PPP1CB: variants seen among roughly 807,000 people sequenced by gnomAD.
PPP1CB encodes the protein serine/threonine-protein phosphatase PP1-beta catalytic subunit.
PPP1CB carries 2 observed loss-of-function variants against 43.7 expected under a neutral mutation model. The ratio of observed to expected loss-of-function variants is 0.05; its 90% CI spans 0.02 to 0.14. The LOEUF is 0.14. Among genes scored for constraint, PPP1CB ranks in the 10% least tolerant of loss-of-function variants. The probability of loss-of-function intolerance (pLI) is 1.00; values close to 1 mark genes in which losing one functional copy is unlikely to be tolerated. For missense variants in PPP1CB, 84 were observed against 398.0 expected, an observed-to-expected ratio of 0.21 and a Z score of 6.71; for synonymous variants, 136 against 135.6, an observed-to-expected ratio of 1.00 and a Z score of -0.02.
chr2:28,751,789 T>G, upstream of PPP1CB: 1 of 393,766 alleles, frequency 2.5e-6, no homozygotes, highest in Non-Finnish European at 4.7e-6. Context: ...GCGGAGTGAG[T>G]GGCGCTGCGG....
intron 3 of PPP1CB, among the ~76,000 whole-genome samples, chr2:28,781,122 A>G (rs1667150868): frequency 6.6e-6 from 1 of 152,174 alleles, no homozygotes; most frequent in South Asian, 2.1e-4. Context: ...TTGCTATATT[A>G]TACTGATCTT....
In PPP1CB at chr2:28,771,967, A is replaced by T. The variant is rs564321851; in HGVS notation, c.53-4884A>T. 2.4e-5 allele frequency among the ~76,000 whole-genome samples: 3 copies of T among 122,918 alleles called. No individual in the cohort carries two copies. The South Asian group carries it at 8.0e-4, about 33-fold the overall frequency. The allele number at this position is 122,918 out of a possible 152,430, so 80.6% of individuals were successfully genotyped here. A position where few individuals can be genotyped will look rare whatever the true frequency, so the allele number is the denominator to read the frequency against. On this transcript the variant is annotated intron_variant, in intron 1 of 7. Transcript: ENST00000395366. ...AAGAATGAACAAAAGACTTAAAACG[A>T]ACTTGTCCAAAAAAAAAAAAAAAGA...
At position 28,766,184 on chromosome 2, in the gene PPP1CB, G is replaced by A. The variant is rs538872213; in HGVS notation, c.53-10667G>A. On this transcript the variant is annotated intron_variant, in intron 1 of 7. Coordinates refer to ENST00000395366, the MANE Select transcript of PPP1CB (RefSeq NM_002709.3). ...GATTGAGGGTGGTGGTTCTTGTTTAGAAAAAATTCAGTATCAGCCCTGAAT... is the reference window on the plus strand; with the variant it reads ...GATTGAGGGTGGTGGTTCTTGTTTAAAAAAAATTCAGTATCAGCCCTGAAT... 3.2e-4 allele frequency among the ~76,000 whole-genome samples: 49 copies of A among 152,244 alleles called. 1 individual carries two copies. In the South Asian group the frequency reaches 9.5e-3, roughly 30 times the overall value.
Position 28,759,866 on chromosome 2 carries a change from G to T in PPP1CB, c.52+7690G>T, listed in dbSNP as rs1338990662. 2.6e-5 allele frequency among the ~76,000 whole-genome samples: 4 copies of T among 152,258 alleles called. No individual in the cohort carries two copies. The South Asian group carries it at 6.2e-4, about 24-fold the overall frequency. On this transcript the variant is annotated intron_variant, in intron 1 of 7. Transcript: ENST00000395366. ...TCTCCCGACCTCAGGTGATCCGCCT[G>T]CCTCGGCCTCCCAAAGTGTTGGGAT... is the stretch of plus-strand genomic sequence containing the variant.
In PPP1CB at chr2:28,786,405, T is replaced by A. The variant is rs1263642026; in HGVS notation, c.593-2253T>A. Among the ~76,000 whole-genome samples the A allele has an allele frequency of 3.3e-5, 5 of 152,156 alleles. No homozygotes were observed. In the South Asian group the frequency reaches 1.0e-3, roughly 32 times the overall value. ...CTGGGATTACAGGCGTGAGCCACCA[T>A]ACCTGGCCTGAAATTCTTATCTAGA... On this transcript the variant is annotated intron_variant, in intron 5 of 7. Coordinates refer to ENST00000395366, the MANE Select transcript of PPP1CB (RefSeq NM_002709.3).
chr2:28,758,159 C>A (rs1056519626), intron 1 of PPP1CB, among the ~76,000 whole-genome samples: 1 of 151,090 alleles, frequency 6.6e-6, no homozygotes, highest in African/African-American at 2.4e-5. Context: ...GATCCTTCTA[C>A]CTCAGCCTCA....
chr2:28,797,466 G>T (rs1460571266), intron 7 of PPP1CB, among the ~76,000 whole-genome samples: 3 of 151,922 alleles, frequency 2.0e-5, no homozygotes, highest in Non-Finnish European at 2.9e-5. Context: ...TTCTGTTCAG[G>T]ATTTTAATTT....
chr2:28,788,879 A>G, intron 6 of PPP1CB, 70 bp downstream of exon 6: 1 of 1,415,190 alleles, frequency 7.1e-7, no homozygotes, highest in Non-Finnish European at 9.4e-7. Flanking sequence ...GGAGGGGCAG[A>G]CAGATTCTTG....
At chr2:28,791,187 A>G (rs1398188506) in intron 6 of PPP1CB, among the ~76,000 whole-genome samples, 1 of 151,942 alleles carries the variant, frequency 6.6e-6, no homozygotes, top group Non-Finnish European at 1.5e-5. Flanking sequence ...CTTTGATCCT[A>G]AGTGATAAAA....
chr2:28,779,993 T>C (rs1419433731), intron 3 of PPP1CB, among the ~76,000 whole-genome samples: 1 of 152,192 alleles, frequency 6.6e-6, no homozygotes, highest in African/African-American at 2.4e-5. Flanking sequence ...TAGCTGGGAC[T>C]GTATGTCCTT....
chr2:28,763,851 G>T, intron 1 of PPP1CB, among the ~76,000 whole-genome samples: 1 of 152,042 alleles, frequency 6.6e-6, no homozygotes, highest in Non-Finnish European at 1.5e-5. Context: ...GATTACAGGT[G>T]CGCGCCACCA....
intron 1 of PPP1CB, among the ~76,000 whole-genome samples, chr2:28,755,547 A>G (rs1038424074): frequency 6.6e-6 from 1 of 152,228 alleles, no homozygotes; most frequent in African/African-American, 2.4e-5. Context: ...GTGGCTTACC[A>G]TAGTGTTTTG....
rs3768663 is a variant in PPP1CB at position 28,777,170 on chromosome 2, A to G, written c.184+188A>G. ...TACAGACAAGATGAAAATACTTGCT[A>G]TATATCAACAGATAAAAGGAGTTCT... On this transcript the variant is annotated intron_variant, in intron 2 of 7. Transcript: ENST00000395366. 9.1e-5 allele frequency: 42 copies of G among 459,792 alleles called. No individual in the cohort carries two copies. In the East Asian group the frequency reaches 1.5e-3, roughly 17 times the overall value. 28.5% of individuals were successfully genotyped at this position (459,792 alleles called of 1,614,324 possible). A position where few individuals can be genotyped will look rare whatever the true frequency, so the allele number is the denominator to read the frequency against.
chr2:28,772,842 T>C (rs1265346109), intron 1 of PPP1CB, among the ~76,000 whole-genome samples: 1 of 152,188 alleles, frequency 6.6e-6, no homozygotes, highest in Non-Finnish European at 1.5e-5. Context: ...AAAAAAGGTT[T>C]CGGTTTTGGA....
intron 4 of PPP1CB, 57 bp downstream of exon 4, chr2:28,781,899 C>A: frequency 8.6e-7 from 1 of 1,157,990 alleles, no homozygotes; most frequent in Non-Finnish European, 1.3e-6. Context: ...TCGGAAAATA[C>A]CTATAATAAT....
At chr2:28,754,471 A>G (rs1160129522) in intron 1 of PPP1CB, among the ~76,000 whole-genome samples, 1 of 152,134 alleles carries the variant, frequency 6.6e-6, no homozygotes, top group African/African-American at 2.4e-5. Context: ...CTCTTCACTC[A>G]AGGAGCTCCC....
rs369692998 is a variant in PPP1CB, at chr2:28,763,877, C to T, written c.52+11701C>T. ...CGCGCCACCACACCTGGCTTATTTT[C>T]GTATTTTTAGTAGAGACGGGGTTTC... On this transcript the variant is annotated intron_variant, in intron 1 of 7. Coordinates refer to ENST00000395366, the MANE Select transcript of PPP1CB (RefSeq NM_002709.3). Among the ~76,000 whole-genome samples the T allele has an allele frequency of 9.0e-4, 136 of 151,726 alleles. 1 individual carries two copies. Among genetic ancestry groups the T allele is most frequent in the African/African-American group, 3.2e-3 (131 of 41,456 alleles).
intron 4 of PPP1CB, 150 bp downstream of exon 4, chr2:28,781,992 T>G: frequency 1.5e-6 from 1 of 665,374 alleles, no homozygotes; most frequent in Non-Finnish European, 2.7e-6. Flanking sequence ...AAACCTCTTT[T>G]AAAAATTAGA....
intron 1 of PPP1CB, among the ~76,000 whole-genome samples, chr2:28,761,092 A>G (rs562735397): frequency 1.3e-5 from 2 of 152,178 alleles, no homozygotes; most frequent in African/African-American, 4.8e-5. Context: ...AGTAGTAGAG[A>G]TGGGATTTCA....
Sources: allele counts gnomAD v4.1 joint callset (sites outside exome capture counted in the v4.1 genomes callset), GRCh38; gene constraint gnomAD v4.1.1; transcripts MANE v1.5; gene names NCBI Gene and HGNC (gene_info 2026-07-23, HGNC 2026-07-21).